CNTN5: variants seen among roughly 807,000 people sequenced by gnomAD.
CNTN5 encodes contactin-5.
CNTN5 carries 77 observed loss-of-function variants against 129.1 expected under a neutral mutation model. That is an observed-to-expected ratio of 0.60 (90% CI 0.50 to 0.72). The LOEUF (loss-of-function observed/expected upper bound fraction) is 0.72, where lower values mean the gene tolerates loss of function less well. CNTN5 is among the 30% of genes least tolerant of loss of function. The pLI is 0.00. For synonymous variants in CNTN5, 509 were observed against 465.6 expected, an observed-to-expected ratio of 1.09 and a Z score of -1.20; for missense variants, 1,478 against 1,328.8, an observed-to-expected ratio of 1.11 and a Z score of -1.75.
chr11:100,111,964 A>G (rs1945671637), intron 13 of CNTN5, among the ~76,000 whole-genome samples: 1 of 152,214 alleles, frequency 6.6e-6, no homozygotes, highest in Admixed American at 6.5e-5. Flanking sequence ...ACTACGTTGT[A>G]TAGGAAAATA....
At chr11:99,785,378 T>G (rs1355880709) in intron 3 of CNTN5, among the ~76,000 whole-genome samples, 1 of 152,176 alleles carries the variant, frequency 6.6e-6, no homozygotes, top group African/African-American at 2.4e-5. Context: ...ATAGTTTCTT[T>G]TGCTGTGCAG....
chr11:99,207,108 G>A (rs754821885), intron 1 of CNTN5, among the ~76,000 whole-genome samples: 11 of 151,996 alleles, frequency 7.2e-5, no homozygotes, highest in African/African-American at 2.2e-4. Context: ...TTTGCTCTTC[G>A]AAAATTTATA....
intron 3 of CNTN5, among the ~76,000 whole-genome samples, chr11:99,577,949 G>A (rs1565313137): frequency 6.6e-6 from 1 of 150,770 alleles, no homozygotes; most frequent in Non-Finnish European, 1.5e-5. Flanking sequence ...TTTAGCATTA[G>A]GTATATCTCC....
chr11:100,342,152 G>GACACAGACACACAC (rs149973364), intron 23 of CNTN5, among the ~76,000 whole-genome samples: 11 of 146,898 alleles, frequency 7.5e-5, no homozygotes, highest in African/African-American at 2.8e-4. Context: ...ATAGATCACA[G>GACACAGACACACAC]ACACACACAC....
At chr11:99,163,028 A>G (rs61891513) in intron 1 of CNTN5, among the ~76,000 whole-genome samples, 9,420 of 152,260 alleles carry the variant, frequency 0.062, 784 homozygotes, top group East Asian at 0.34. Context: ...TCACAACCGA[A>G]GTTGCCTTTT....
rs114798371 is a variant in CNTN5 at position 99,788,354 on chromosome 11, C to T, written c.56-31190C>T. ...TCAAAAAATTGAAGTTAAAAACTGT[C>T]TTGGGCAATAAAAGCCAGTAGCTCT... On this transcript the variant is annotated intron_variant, in intron 3 of 24. Transcript: ENST00000524871. Among the ~76,000 whole-genome samples the T allele has an allele frequency of 3.5e-3, 537 of 151,928 alleles. 3 individuals carry two copies. Among genetic ancestry groups the T allele is most frequent in the African/African-American group, 0.012 (509 of 41,496 alleles).
intron 8 of CNTN5, among the ~76,000 whole-genome samples, chr11:99,959,148 C>T (rs2136179956): frequency 6.6e-6 from 1 of 152,284 alleles, no homozygotes; most frequent in East Asian, 1.9e-4. Flanking sequence ...CTCAATTATA[C>T]TCTTACCCTG....
chr11:99,805,096 A>G (rs971442809), intron 3 of CNTN5, among the ~76,000 whole-genome samples: 1 of 152,134 alleles, frequency 6.6e-6, no homozygotes, highest in Admixed American at 6.6e-5. Context: ...TCTCAGAAGA[A>G]AATTGTGCTT....
Position 99,158,048 on chromosome 11 carries a change from G to T in CNTN5, c.-210+136778G>T, listed in dbSNP as rs117584872. ...CACACTCCTTGATTAAAGTCAAATA[G>T]ACATAATGTATCTAGACAGTGACTA... On this transcript the variant is annotated intron_variant, in intron 1 of 24. Coordinates refer to ENST00000524871, the MANE Select transcript of CNTN5 (RefSeq NM_014361.4). Among the ~76,000 whole-genome samples the T allele has an allele frequency of 3.4e-4, 52 of 152,164 alleles. No individual in the cohort carries two copies. In the East Asian group the frequency reaches 9.7e-3, roughly 28 times the overall value.
At chr11:100,051,716 A>G (rs1186987611) in intron 9 of CNTN5, among the ~76,000 whole-genome samples, 1 of 151,928 alleles carries the variant, frequency 6.6e-6, no homozygotes, top group Admixed American at 6.6e-5. Context: ...ATACACATCA[A>G]AAACAAGAGA....
intron 8 of CNTN5, among the ~76,000 whole-genome samples, chr11:99,983,954 G>A (rs2137374027): frequency 6.6e-6 from 1 of 152,218 alleles, no homozygotes; most frequent in Non-Finnish European, 1.5e-5. Context: ...GGCAGAACAT[G>A]ATTGGTATCA....
In CNTN5 at chr11:99,836,170, T is replaced by A. The variant is rs560665802; in HGVS notation, c.278-8682T>A. Among the ~76,000 whole-genome samples the A allele has an allele frequency of 2.6e-5, 4 of 151,512 alleles. No homozygotes were observed. In the East Asian group the frequency reaches 7.8e-4, roughly 29 times the overall value. On this transcript the variant is annotated intron_variant, in intron 4 of 24. Coordinates refer to ENST00000524871, the MANE Select transcript of CNTN5 (RefSeq NM_014361.4). ...TCTTTTTTTTTAATTATACTTTAAG[T>A]TCTAGGGTACATGTGCGCAACGTGC...
At chr11:100,199,428 T>C (rs1054755842) in intron 15 of CNTN5, among the ~76,000 whole-genome samples, 3 of 151,878 alleles carry the variant, frequency 2.0e-5, no homozygotes, top group African/African-American at 7.2e-5. Context: ...TCCAACCTCC[T>C]GACCGCCACA....
intron 21 of CNTN5, among the ~76,000 whole-genome samples, chr11:100,331,914 C>T (rs1951914501): frequency 6.6e-6 from 1 of 152,014 alleles, no homozygotes; most frequent in South Asian, 2.1e-4. Context: ...AATCTTAGGT[C>T]ACACTTCAGA....
intron 1 of CNTN5, among the ~76,000 whole-genome samples, chr11:99,179,244 C>A (rs949679777): frequency 6.6e-6 from 1 of 152,060 alleles, no homozygotes; most frequent in African/African-American, 2.4e-5. Flanking sequence ...GACTTTCAGA[C>A]CAGCCTGGCC....
intron 3 of CNTN5, among the ~76,000 whole-genome samples, chr11:99,743,513 C>A (rs913468127): frequency 6.6e-6 from 1 of 152,092 alleles, no homozygotes; most frequent in Non-Finnish European, 1.5e-5. Flanking sequence ...GTTTCTTTAC[C>A]TATAAATTGC....
At chr11:99,132,926 A>G (rs1032139529) in intron 1 of CNTN5, among the ~76,000 whole-genome samples, 1 of 152,176 alleles carries the variant, frequency 6.6e-6, no homozygotes, top group Admixed American at 6.5e-5. Context: ...TTATGGAACC[A>G]AAAAAGAGCT....
intron 12 of CNTN5, among the ~76,000 whole-genome samples, chr11:100,072,192 C>A (rs1188474051): frequency 6.6e-6 from 1 of 152,200 alleles, no homozygotes; most frequent in Non-Finnish European, 1.5e-5. Flanking sequence ...AGCAGCCTGT[C>A]CATGCTCCCA....
intron 10 of CNTN5, among the ~76,000 whole-genome samples, chr11:100,065,965 T>C (rs965762257): frequency 3.9e-5 from 6 of 152,236 alleles, no homozygotes; most frequent in African/African-American, 1.4e-4. Context: ...AAATTGTTGA[T>C]TCCTGGTTAA....
Sources: gnomAD v4.1 joint callset for allele counts (sites outside exome capture counted in the v4.1 genomes callset) on GRCh38, gnomAD v4.1.1 for gene constraint, MANE v1.5 for transcripts, NCBI Gene and HGNC (gene_info 2026-07-23, HGNC 2026-07-21) for gene names.